PKIB: variants seen among roughly 807,000 people sequenced by gnomAD.
PKIB encodes the protein PKI-beta.
Under a neutral mutation model 4.5 loss-of-function variants are expected in PKIB, and 2 were observed. The observed-to-expected ratio is 0.44, with a 90% CI of 0.18 to 1.39. PKIB has a LOEUF of 1.39. PKIB is among the 40% of genes most tolerant of loss of function. The pLI is 0.27. For synonymous variants in PKIB, 38 were observed against 36.0 expected (o/e 1.06, Z -0.20); for missense variants, 94 against 92.6 (o/e 1.02, Z -0.06).
chr6:122,687,124 A>G (rs2114989059), intron 3 of PKIB, among the ~76,000 whole-genome samples: 1 of 152,178 alleles, frequency 6.6e-6, no homozygotes, highest in South Asian at 2.1e-4. Flanking sequence ...TCTTTAATTC[A>G]TTTTGGTTTG....
intron 2 of PKIB, chr6:122,481,914 G>T (rs1231015861): frequency 6.6e-6 from 1 of 150,544 alleles, no homozygotes; most frequent in Non-Finnish European, 1.5e-5. Context: ...TTGTAATCTC[G>T]CAATATTGAA....
At chr6:122,476,245 A>T (rs942646523) in intron 1 of PKIB, among the ~76,000 whole-genome samples, 77 of 152,220 alleles carry the variant, frequency 5.1e-4, no homozygotes, top group Non-Finnish European at 1.2e-4. Context: ...TAAATTAGTT[A>T]TATCTTAAAT....
At chr6:122,547,254 G>A (rs1772522886) in intron 2 of PKIB, among the ~76,000 whole-genome samples, 1 of 151,912 alleles carries the variant, frequency 6.6e-6, no homozygotes, top group African/African-American at 2.4e-5. Flanking sequence ...GGATGGGTGG[G>A]AGATAGCTGA....
intron 1 of PKIB, among the ~76,000 whole-genome samples, chr6:122,629,743 G>A (rs147993081): frequency 6.6e-6 from 1 of 152,140 alleles, no homozygotes; most frequent in African/African-American, 2.4e-5. Context: ...AAATCTCATA[G>A]CCACAGTCTA....
intron 1 of PKIB, among the ~76,000 whole-genome samples, chr6:122,613,917 G>T (rs9320883): frequency 2.0e-5 from 3 of 147,164 alleles, no homozygotes; most frequent in East Asian, 2.0e-4. Flanking sequence ...GAGCTGAGAT[G>T]GCACCACTGC....
chr6:122,556,906 A>G (rs1318045598), intron 2 of PKIB, among the ~76,000 whole-genome samples: 1 of 152,224 alleles, frequency 6.6e-6, no homozygotes. Context: ...TTGTCAAATG[A>G]AAGTAATATA....
chr6:122,703,962 A>G (rs1033202728), intron 3 of PKIB, among the ~76,000 whole-genome samples: 11 of 150,738 alleles, frequency 7.3e-5, no homozygotes, highest in African/African-American at 2.7e-4. Context: ...AGAGAGAGAG[A>G]GAGAGAGAGA....
intron 2 of PKIB, among the ~76,000 whole-genome samples, chr6:122,489,222 TTTATTA>T (rs61079139): frequency 0.55 from 81,977 of 148,926 alleles, 22,777 homozygotes; most frequent in South Asian, 0.68. Context: ...TAGTATTTCA[TTTATTA>T]TTATTATTAT....
chr6:122,504,619 T>C (rs935581727), intron 2 of PKIB, among the ~76,000 whole-genome samples: 29 of 152,216 alleles, frequency 1.9e-4, no homozygotes, highest in Admixed American at 2.6e-4. Context: ...TGAACAATGA[T>C]TTAGCACAAA....
chr6:122,481,919 A>T (rs553960036), intron 2 of PKIB: 1 of 150,582 alleles, frequency 6.6e-6, no homozygotes, highest in East Asian at 1.9e-4. Context: ...ATCTCGCAAT[A>T]TTGAAATCAA....
At chr6:122,695,104 G>A (rs528215360) in intron 3 of PKIB, among the ~76,000 whole-genome samples, 1 of 151,986 alleles carries the variant, frequency 6.6e-6, no homozygotes, top group Non-Finnish European at 1.5e-5. Flanking sequence ...CAAAGATCAA[G>A]TGCATTAAAA....
At chr6:122,674,558 C>A (rs1208732303) in intron 2 of PKIB, among the ~76,000 whole-genome samples, 1 of 152,116 alleles carries the variant, frequency 6.6e-6, no homozygotes, top group African/African-American at 2.4e-5. Flanking sequence ...TTTCCAAGAG[C>A]AAGATGGTTC....
chr6:122,656,834 G>C (rs1582782565), intron 2 of PKIB, among the ~76,000 whole-genome samples: 1 of 152,166 alleles, frequency 6.6e-6, no homozygotes, highest in East Asian at 1.9e-4. Flanking sequence ...AGCTATATTT[G>C]CCACGTACAT....
At chr6:122,692,245 C>T (rs1376756559) in intron 3 of PKIB, among the ~76,000 whole-genome samples, 1 of 152,250 alleles carries the variant, frequency 6.6e-6, no homozygotes, top group Non-Finnish European at 1.5e-5. Context: ...CAGCCAGTAG[C>T]AAAGCCAGTC....
chr6:122,703,981 T>C lies in PKIB; in HGVS notation c.-8-13806T>C, dbSNP rs561651410. On this transcript the variant is annotated intron_variant, in intron 3 of 4. Transcript: ENST00000368452. ...AGAGAGAGAGAGAGAGAGAAATTGG[T>C]TCATGCAATTATGAAGGCTGAGAAG... Among the ~76,000 whole-genome samples, 25 of 148,492 alleles carry C rather than the reference T, an allele frequency of 1.7e-4. No individual in the cohort carries two copies. In the South Asian group the frequency reaches 2.4e-3, roughly 14 times the overall value.
intron 2 of PKIB, among the ~76,000 whole-genome samples, chr6:122,507,874 A>G (rs767035469): frequency 3.3e-5 from 5 of 151,628 alleles, no homozygotes; most frequent in Admixed American, 6.6e-5. Flanking sequence ...TGTCCTGTTA[A>G]ATGTTGTTTA....
chr6:122,577,112 C>A (rs1215604511), intron 2 of PKIB, among the ~76,000 whole-genome samples: 1 of 152,124 alleles, frequency 6.6e-6, no homozygotes, highest in Admixed American at 6.5e-5. Flanking sequence ...TACACTATAA[C>A]ATTATATATG....
intron 2 of PKIB, among the ~76,000 whole-genome samples, chr6:122,525,994 T>C (rs1287016831): frequency 6.6e-6 from 1 of 152,200 alleles, no homozygotes; most frequent in African/African-American, 2.4e-5. Context: ...TGTAATTTTC[T>C]AAGTTCTTTG....
chr6:122,625,329 T>C (rs1020607249), intron 1 of PKIB, among the ~76,000 whole-genome samples: 1 of 152,184 alleles, frequency 6.6e-6, no homozygotes, highest in South Asian at 2.1e-4. Flanking sequence ...ATTTTGGTCA[T>C]TTCTGTATAT....
Sources: allele counts gnomAD v4.1 joint callset (sites outside exome capture counted in the v4.1 genomes callset), GRCh38; gene constraint gnomAD v4.1.1; transcripts MANE v1.5; gene names NCBI Gene and HGNC (gene_info 2026-07-23, HGNC 2026-07-21).